The following ATP6V1D variants were observed in gnomAD, a reference collection of about 807,000 sequenced individuals.
ATP6V1D encodes V-type proton ATPase subunit D.
A neutral mutation model predicts 39.4 loss-of-function variants in ATP6V1D; 20 were observed. The observed-to-expected ratio is 0.51, with a 90% CI of 0.36 to 0.74. The LOEUF is 0.74. Ranked by LOEUF, ATP6V1D falls within the 30% of genes least tolerant of loss-of-function variation. ATP6V1D has a pLI of 0.00. For missense variants in ATP6V1D, 228 were observed against 291.6 expected, an observed-to-expected ratio of 0.78 and a Z score of 1.59; for synonymous variants, 100 against 100.5, an observed-to-expected ratio of 0.99 and a Z score of 0.03.
In ATP6V1D at chr14:67,352,907, G is replaced by A. The variant is rs2085665361; in HGVS notation, c.159+16C>T. The A allele has an allele frequency of 6.5e-7, 1 of 1,549,288 alleles. No homozygotes were observed. Among genetic ancestry groups the A allele is most frequent in the Non-Finnish European group, 8.8e-7 (1 of 1,130,362 alleles). On this transcript the variant is annotated intron_variant, in intron 2 of 8. Transcript: ENST00000216442. The stretch of plus-strand genomic sequence containing the variant: ...TTTTCTAAAATAAATACTATTCTAA[G>A]AAAAGTTCATTCTACCTCTATTATC...
chr14:67,340,589 G>C (rs2085572942), intron 7 of ATP6V1D, 71 bp from the exon 8 acceptor site: 2 of 1,239,644 alleles, frequency 1.6e-6, no homozygotes, highest in Non-Finnish European at 2.3e-6. Context: ...GTGCTCATTT[G>C]TATAACAGTT....
rs778314190 is a variant in ATP6V1D, at chr14:67,347,410, G to A, written c.351C>T (p.Asp117=). The A allele has an allele frequency of 1.2e-6, 2 of 1,603,382 alleles. No homozygotes were observed. Among genetic ancestry groups the A allele is most frequent in the East Asian group, 2.2e-5 (1 of 44,784 alleles). Reference sequence around the variant, plus strand: ...TAATACAAAAAGTTTCACACTTACTGTCAGTTCCTTCATGGTAATGTTCAA... The same window carrying A: ...TAATACAAAAAGTTTCACACTTACTATCAGTTCCTTCATGGTAATGTTCAA... The part of the protein sequence containing the change: ...PVFEHYHEGT[D]SYELTGLARG... The change falls in exon 5 of 9, where the codon GAC becomes GAT. Residue 117 remains aspartate (D), a splice_region_variant and synonymous_variant. Coordinates refer to ENST00000216442, the MANE Select transcript of ATP6V1D (RefSeq NM_015994.4).
At chr14:67,356,434 C>CAAAAAAAAAAAAAA (rs11323157) in intron 1 of ATP6V1D, among the ~76,000 whole-genome samples, 1 of 129,740 alleles carries the variant, frequency 7.7e-6, no homozygotes. Context: ...AAAACAAAAA[C>CAAAAAAAAAAAAAA]AAAAAAAAAA....
chr14:67,340,313 T>C lies in ATP6V1D; in HGVS notation c.602+127A>G, dbSNP rs893083838. On this transcript the variant is annotated intron_variant, in intron 8 of 8. Transcript: ENST00000216442. ...TTCTGGTAATAATATTTCTTGCTGC[T>C]TATTTATCAGAATAAAACATAAGCT... 4.0e-6 allele frequency: 3 copies of C among 752,380 alleles called. No homozygotes were observed. In the South Asian group the frequency reaches 6.1e-5, roughly 15 times the overall value. The allele number at this position is 752,380 out of a possible 1,614,324, so 46.6% of individuals were successfully genotyped here.
chr14:67,339,079 C>T (rs1315260119), intron 8 of ATP6V1D, among the ~76,000 whole-genome samples: 2 of 148,644 alleles, frequency 1.3e-5, no homozygotes, highest in East Asian at 2.0e-4. Context: ...CTCACTACAA[C>T]CTCCACCTTT....
chr14:67,349,511 G>A (rs1327635791), intron 3 of ATP6V1D, among the ~76,000 whole-genome samples: 1 of 152,118 alleles, frequency 6.6e-6, no homozygotes, highest in Non-Finnish European at 1.5e-5. Context: ...GTTCCATCTG[G>A]CTTTGTGTGA....
intron 4 of ATP6V1D, among the ~76,000 whole-genome samples, chr14:67,347,960 G>A (rs2085631777): frequency 6.6e-6 from 1 of 150,964 alleles, no homozygotes; most frequent in Non-Finnish European, 1.5e-5. Flanking sequence ...CGCCCAGGCT[G>A]CAGTGCAGTG....
intron 8 of ATP6V1D, among the ~76,000 whole-genome samples, chr14:67,339,420 A>C (rs928234844): frequency 6.6e-6 from 1 of 152,166 alleles, no homozygotes; most frequent in African/African-American, 2.4e-5. Context: ...GACAGAAACT[A>C]ACCTTTGATA....
At chr14:67,355,654 T>C (rs1473398824) in intron 1 of ATP6V1D, among the ~76,000 whole-genome samples, 2 of 151,848 alleles carry the variant, frequency 1.3e-5, no homozygotes, top group African/African-American at 4.8e-5. Context: ...GGAAAGAGTA[T>C]TTCAGGCAGG....
At chr14:67,338,826 CT>C (rs1174737080) in intron 8 of ATP6V1D, 64 bp from the exon 9 acceptor site, 1 of 1,452,964 alleles carries the variant, frequency 6.9e-7, no homozygotes, top group Admixed American at 2.1e-5. Flanking sequence ...GATTTGATTT[CT>C]TTGAGTTTTG....
At position 67,348,958 on chromosome 14, in the gene ATP6V1D, A is replaced by T. The variant is rs577997999; in HGVS notation, c.307+79T>A. 133 of 1,334,088 alleles carry T rather than the reference A, an allele frequency of 1.0e-4. 1 individual carries two copies. In the South Asian group the frequency reaches 1.6e-3, roughly 16 times the overall value. 82.6% of individuals were successfully genotyped at this position (1,334,088 alleles called of 1,614,324 possible). A position where few individuals can be genotyped will look rare whatever the true frequency, so the allele number is the denominator to read the frequency against. On this transcript the variant is annotated intron_variant, in intron 4 of 8. Transcript: ENST00000216442. ...AGAAGGAAGAAACTAGGACATTAAG[A>T]TCTTGCTGTATAAACAGGTTAATTT... is the stretch of plus-strand genomic sequence containing the variant.
chr14:67,348,001 C>T (rs1030533302), intron 4 of ATP6V1D, among the ~76,000 whole-genome samples: 2 of 151,924 alleles, frequency 1.3e-5, no homozygotes, highest in Admixed American at 6.6e-5. Context: ...CAACCACCGC[C>T]TCCTGGGGTC....
At chr14:67,340,721 C>T (rs567831579) in intron 7 of ATP6V1D, among the ~76,000 whole-genome samples, 8 of 152,296 alleles carry the variant, frequency 5.3e-5, no homozygotes, top group South Asian at 4.1e-4. Context: ...CCTCTGATGC[C>T]GAGCCGAAGC....
At chr14:67,341,113 G>A (rs1268568004) in intron 7 of ATP6V1D, among the ~76,000 whole-genome samples, 1 of 152,222 alleles carries the variant, frequency 6.6e-6, no homozygotes, top group Non-Finnish European at 1.5e-5. Flanking sequence ...GGGAAGTGAG[G>A]AGCCTCTCTG....
At position 67,359,705 on chromosome 14, in the gene ATP6V1D, G is replaced by A. The variant is rs370286919; in HGVS notation, c.-7C>T. 1.9e-6 allele frequency: 3 copies of A among 1,613,750 alleles called. No homozygotes were observed. The highest frequency in any genetic ancestry group is 1.7e-6 in the Non-Finnish European group (2 of 1,179,976). ...TTCGGTCTTTGCCCGACATTCTGAC[G>A]ATAACTTTTCGGCTCGGGTCCCCGG... On this transcript the variant is annotated 5_prime_UTR_variant, in exon 1 of 9. Coordinates refer to ENST00000216442, the MANE Select transcript of ATP6V1D (RefSeq NM_015994.4).
intron 6 of ATP6V1D, among the ~76,000 whole-genome samples, chr14:67,343,671 C>T (rs1201638566): frequency 6.6e-6 from 1 of 152,162 alleles, no homozygotes; most frequent in Non-Finnish European, 1.5e-5. Flanking sequence ...TCAAGACCAG[C>T]CTGGGCAACA....
intron 7 of ATP6V1D, among the ~76,000 whole-genome samples, chr14:67,342,223 TAAAAA>T (rs895869838): frequency 5.3e-5 from 5 of 93,460 alleles, no homozygotes; most frequent in Non-Finnish European, 7.4e-5. Context: ...TAAAATAAAA[TAAAAA>T]AAAACACAAA....
intron 4 of ATP6V1D, 99 bp from the exon 5 acceptor site, chr14:67,347,552 A>C (rs2085628414): frequency 3.9e-6 from 4 of 1,029,916 alleles, no homozygotes; most frequent in Non-Finnish European, 5.8e-6. Flanking sequence ...CCGAGGCTGG[A>C]ATGCAATGGC....
intron 1 of ATP6V1D, among the ~76,000 whole-genome samples, chr14:67,359,334 G>A (rs1418904291): frequency 6.6e-6 from 1 of 152,232 alleles, no homozygotes; most frequent in Non-Finnish European, 1.5e-5. Context: ...CGACGGTTCA[G>A]TTATATAAAT....
Sources: allele counts gnomAD v4.1 joint callset (sites outside exome capture counted in the v4.1 genomes callset), GRCh38; gene constraint gnomAD v4.1.1; transcripts MANE v1.5; gene names NCBI Gene and HGNC (gene_info 2026-07-23, HGNC 2026-07-21).